ZNF487: variants seen among roughly 807,000 people sequenced by gnomAD.
ZNF487 encodes the protein KRAB domain only 1.
ZNF487 carries 4 observed loss-of-function variants against 3.0 expected under a neutral mutation model. That is an observed-to-expected ratio of 1.35 (90% CI 0.66 to 3.08). The LOEUF is 3.08. Among genes scored for constraint, ZNF487 ranks in the 30% most tolerant of loss-of-function variants. The pLI is 0.01. For synonymous variants in ZNF487, 55 were observed against 34.6 expected (o/e 1.59, Z -2.06); for missense variants, 146 against 98.7 (o/e 1.48, Z -2.03).
At chr10:43,472,694 T>G (rs933618997) in intron 1 of ZNF487, among the ~76,000 whole-genome samples, 25 of 152,200 alleles carry the variant, frequency 1.6e-4, no homozygotes, top group Admixed American at 1.5e-3. Flanking sequence ...CTCAGCCTCT[T>G]GATCACTATG....
intron 1 of ZNF487, among the ~76,000 whole-genome samples, chr10:43,441,776 G>A (rs1240908069): frequency 6.6e-6 from 1 of 151,862 alleles, no homozygotes; most frequent in Non-Finnish European, 1.5e-5. Flanking sequence ...TAGTTGAGAC[G>A]GGGTTTCACC....
chr10:43,438,021 C>T (rs982898111), intron 1 of ZNF487, among the ~76,000 whole-genome samples: 9 of 151,960 alleles, frequency 5.9e-5, no homozygotes, highest in Non-Finnish European at 8.8e-5. Flanking sequence ...CCTTTGCCTC[C>T]TAGTGTTACT....
At chr10:43,451,707 A>G (rs2132061611) in intron 1 of ZNF487, among the ~76,000 whole-genome samples, 1 of 151,520 alleles carries the variant, frequency 6.6e-6, no homozygotes, top group East Asian at 1.9e-4. Flanking sequence ...CTGGGATTAC[A>G]GGCATGGGCC....
intron 1 of ZNF487, chr10:43,452,769 GT>G (rs895146912): frequency 2.0e-5 from 3 of 151,786 alleles, no homozygotes; most frequent in African/African-American, 7.3e-5. Flanking sequence ...GCTGTCACCA[GT>G]TTTGAAAAAC....
At chr10:43,454,940 A>AT (rs1287286413) in intron 1 of ZNF487, among the ~76,000 whole-genome samples, 2 of 149,754 alleles carry the variant, frequency 1.3e-5, no homozygotes, top group Non-Finnish European at 3.0e-5. Context: ...CTTGTCTCAA[A>AT]AAAAAAAAAA....
At chr10:43,465,762 C>T (rs1372282095) in intron 1 of ZNF487, among the ~76,000 whole-genome samples, 1 of 152,164 alleles carries the variant, frequency 6.6e-6, no homozygotes, top group African/African-American at 2.4e-5. Flanking sequence ...CAGGCAGAGA[C>T]GCTCCTCACT....
the ZNF487 span, among the ~76,000 whole-genome samples, chr10:43,509,714 T>A: frequency 6.6e-6 from 1 of 152,116 alleles, no homozygotes; most frequent in Non-Finnish European, 1.5e-5. Context: ...CTAGCCTCGC[T>A]GTCAGCTGAT....
At chr10:43,523,611 C>T in the ZNF487 span, 1 of 152,372 alleles carries the variant, frequency 6.6e-6, no homozygotes, top group Non-Finnish European at 1.5e-5. Flanking sequence ...GGACTTATTT[C>T]AGCATCAGGA....
chr10:43,515,283 T>C, the ZNF487 span, among the ~76,000 whole-genome samples: 6 of 152,110 alleles, frequency 3.9e-5, no homozygotes, highest in Non-Finnish European at 5.9e-5. Context: ...TAGTTATAGG[T>C]CTAGAAGCAA....
At chr10:43,518,752 C>T in the ZNF487 span, among the ~76,000 whole-genome samples, 1 of 152,148 alleles carries the variant, frequency 6.6e-6, no homozygotes, top group Admixed American at 6.5e-5. Context: ...ACCCTATGGA[C>T]CTTCTGTTCT....
At chr10:43,457,915 G>C (rs1236208189) in intron 1 of ZNF487, 2 of 151,844 alleles carry the variant, frequency 1.3e-5, no homozygotes, top group African/African-American at 4.8e-5. Context: ...CCAGCTACTC[G>C]GGAGGCTGAG....
At chr10:43,442,059 GA>G (rs1344205087) in intron 1 of ZNF487, among the ~76,000 whole-genome samples, 4 of 151,930 alleles carry the variant, frequency 2.6e-5, no homozygotes, top group South Asian at 2.1e-4. Context: ...CTGTCTGTAC[GA>G]AAAAAAATTT....
the ZNF487 span, among the ~76,000 whole-genome samples, chr10:43,513,555 C>A: frequency 6.6e-6 from 1 of 152,220 alleles, no homozygotes; most frequent in African/African-American, 2.4e-5. Flanking sequence ...CTAATCTCCA[C>A]AGTCTCTCCA....
chr10:43,457,557 GGAA>G (rs1840257922), intron 1 of ZNF487, among the ~76,000 whole-genome samples: 3 of 103,344 alleles, frequency 2.9e-5, no homozygotes, highest in African/African-American at 3.1e-5. Flanking sequence ...TCTGTCTTGG[GGAA>G]AAAAAAAAAA....
chr10:43,508,948 A>T, the ZNF487 span, among the ~76,000 whole-genome samples: 76 of 152,242 alleles, frequency 5.0e-4, no homozygotes, highest in African/African-American at 1.8e-3. Flanking sequence ...GGCTCCCAGC[A>T]TTTCAAGAGG....
In ZNF487 at chr10:43,481,538, T is replaced by C; in HGVS notation, c.240T>C (p.Gly80=). 2.8e-6 allele frequency: 2 copies of C among 712,240 alleles called. No individual in the cohort carries two copies. Among genetic ancestry groups the C allele is most frequent in the East Asian group, 2.7e-5 (1 of 37,252 alleles). The allele number at this position is 712,240 out of a possible 1,614,324, so 44.1% of individuals were successfully genotyped here. A position where few individuals can be genotyped will look rare whatever the true frequency, so the allele number is the denominator to read the frequency against. The change falls in exon 4 of 4, where the codon GGT becomes GGC. Residue 80 remains glycine, a synonymous_variant. Coordinates refer to ENST00000437590, the MANE Select transcript of ZNF487 (RefSeq NM_001355444.3). The stretch of plus-strand genomic sequence containing the variant: ...AAACACTGACTATGGACAGAAATGG[T>C]GTATTAGGAAAAACATTTTCTCTTG... ...NNKTLTMDRN[G]VLGKTFSLDT... is the part of the protein sequence containing the mutation.
At chr10:43,457,576 A>G (rs1589032669) in intron 1 of ZNF487, among the ~76,000 whole-genome samples, 1 of 149,520 alleles carries the variant, frequency 6.7e-6, no homozygotes. Context: ...AAAAAAAAAA[A>G]GAAAAAGAAA....
chr10:43,481,999 C>T lies in ZNF487; in HGVS notation c.*77C>T, dbSNP rs1443868956. 1.7e-6 allele frequency: 1 copy of T among 590,436 alleles called. No individual in the cohort carries two copies. Among genetic ancestry groups the T allele is most frequent in the Non-Finnish European group, 3.0e-6 (1 of 335,608 alleles). The allele number at this position is 590,436 out of a possible 1,614,324, so 36.6% of individuals were successfully genotyped here. On this transcript the variant is annotated 3_prime_UTR_variant, in exon 4 of 4. Transcript: ENST00000437590. ...TCAGAGAACTCACATAAGGAAGAGT[C>T]ACCATGAATTCAATGAATGTGAGAG... is the stretch of plus-strand genomic sequence containing the variant.
downstream of ZNF487, chr10:43,483,223 CTTCTT>C (rs58252359): frequency 7.5e-5 from 29 of 386,892 alleles, no homozygotes; most frequent in African/African-American, 1.7e-4. Flanking sequence ...GATATTTTAT[CTTCTT>C]TTCTTTTCTT....
Sources: gnomAD v4.1 joint callset for allele counts (sites outside exome capture counted in the v4.1 genomes callset) on GRCh38, gnomAD v4.1.1 for gene constraint, MANE v1.5 for transcripts, NCBI Gene and HGNC (gene_info 2026-07-23, HGNC 2026-07-21) for gene names.